C3orf49: variants seen among roughly 807,000 people sequenced by gnomAD.
C3orf49 encodes putative uncharacterized protein C3orf49.
A neutral mutation model predicts 13.3 loss-of-function variants in C3orf49; 27 were observed. The observed-to-expected ratio is 2.02, with a 90% confidence interval of 1.49 to 2.79. The LOEUF (loss-of-function observed/expected upper bound fraction) is 2.79. Among genes scored for constraint, C3orf49 ranks in the 30% most tolerant of loss-of-function variants. C3orf49 has a pLI of 0.00. For synonymous variants in C3orf49, 87 were observed against 47.6 expected, an observed-to-expected ratio of 1.83 and a Z score of -3.40; for missense variants, 242 against 134.2, an observed-to-expected ratio of 1.80 and a Z score of -3.97.
chr3:63,838,350 T>C (rs1559602817), intron 5 of C3orf49: 1 of 1,404,794 alleles, frequency 7.1e-7, no homozygotes, highest in Admixed American at 2.2e-5. Context: ...AAATTACAGA[T>C]AGAAACATTA....
the C3orf49 span, chr3:63,786,202 G>A: frequency 6.6e-6 from 1 of 151,876 alleles, no homozygotes; most frequent in Admixed American, 6.6e-5. Context: ...CCACTCCCCT[G>A]ACCCCCCTCC....
the C3orf49 span, among the ~76,000 whole-genome samples, chr3:63,807,869 A>G: frequency 2.7e-5 from 4 of 150,264 alleles, no homozygotes; most frequent in Non-Finnish European, 5.9e-5. Flanking sequence ...AAAAAAAAAA[A>G]AAAAAAAAAG....
Position 63,848,410 on chromosome 3 carries a change from C to T in C3orf49, c.*77C>T, listed in dbSNP as rs1202060519. The stretch of plus-strand genomic sequence containing the variant: ...CAATTACCAATCAGAAAATCGACTC[C>T]ACCTATGAGCTGGAAGTCCTTCCCA... On this transcript the variant is annotated 3_prime_UTR_variant, in exon 7 of 7. Transcript: ENST00000295896. 6.6e-6 allele frequency: 1 copy of T among 152,102 alleles called. No individual in the cohort carries two copies. The highest frequency in any genetic ancestry group is 6.5e-5 in the Admixed American group (1 of 15,268). The allele number at this position is 152,102 out of a possible 1,614,324, so 9.4% of individuals were successfully genotyped here. A position where few individuals can be genotyped will look rare whatever the true frequency, so the allele number is the denominator to read the frequency against.
chr3:63,811,555 G>C, the C3orf49 span, among the ~76,000 whole-genome samples: 12,588 of 144,114 alleles, frequency 0.087, 1,221 homozygotes, highest in African/African-American at 0.24. Context: ...AAGGCTCTGT[G>C]TCAAAAAACA....
chr3:63,842,737 C>T (rs1393759800), intron 5 of C3orf49, among the ~76,000 whole-genome samples: 1 of 152,172 alleles, frequency 6.6e-6, no homozygotes, highest in South Asian at 2.1e-4. Flanking sequence ...AAAAAAACTA[C>T]ATTGGGTACA....
chr3:63,836,196 T>A, intron 5 of C3orf49: 1 of 1,059,372 alleles, frequency 9.4e-7, no homozygotes, highest in African/African-American at 1.6e-5. Context: ...ATCTGACCCC[T>A]CCTTTTGAAA....
chr3:63,813,858 A>G, the C3orf49 span, among the ~76,000 whole-genome samples: 5 of 152,376 alleles, frequency 3.3e-5, no homozygotes, highest in South Asian at 1.0e-3. Flanking sequence ...AAATCCTGGT[A>G]AAACTGGGGT....
At chr3:63,831,920 C>A in intron 5 of C3orf49, 76 bp downstream of exon 5, 1 of 638,358 alleles carries the variant, frequency 1.6e-6, no homozygotes, top group South Asian at 1.8e-5. Flanking sequence ...CTAGGCTGGC[C>A]GTGGTGGCTC....
chr3:63,829,780 GC>G (rs1701509657), intron 3 of C3orf49, among the ~76,000 whole-genome samples: 1 of 151,814 alleles, frequency 6.6e-6, no homozygotes, highest in African/African-American at 2.4e-5. Context: ...GGGCAACATG[GC>G]AAAACCCCAT....
chr3:63,842,747 A>T (rs1701795019), intron 5 of C3orf49, among the ~76,000 whole-genome samples: 1 of 152,132 alleles, frequency 6.6e-6, no homozygotes, highest in Admixed American at 6.5e-5. Context: ...CATTGGGTAC[A>T]CTGGGTATAA....
chr3:63,810,125 G>C, the C3orf49 span, among the ~76,000 whole-genome samples: 36 of 151,376 alleles, frequency 2.4e-4, no homozygotes, highest in Non-Finnish European at 5.9e-5. Flanking sequence ...CAACCTGGGC[G>C]ACAGAGCAAG....
chr3:63,803,694 G>A, the C3orf49 span, among the ~76,000 whole-genome samples: 6 of 152,152 alleles, frequency 3.9e-5, no homozygotes, highest in South Asian at 1.2e-3. Flanking sequence ...TCTGACCTTA[G>A]GGAATCTGGA....
chr3:63,810,349 GA>G, the C3orf49 span, among the ~76,000 whole-genome samples: 1 of 152,240 alleles, frequency 6.6e-6, no homozygotes, highest in East Asian at 1.9e-4. Context: ...CAAGTGTCAT[GA>G]AATTGGGAAC....
At chr3:63,781,578 G>C in the C3orf49 span, among the ~76,000 whole-genome samples, 1 of 152,116 alleles carries the variant, frequency 6.6e-6, no homozygotes, top group Non-Finnish European at 1.5e-5. Flanking sequence ...AAATTACCTT[G>C]GGCAGTATGT....
At chr3:63,824,751 C>T (rs1428856204) in intron 2 of C3orf49, among the ~76,000 whole-genome samples, 1 of 149,230 alleles carries the variant, frequency 6.7e-6, no homozygotes, top group Non-Finnish European at 1.5e-5. Flanking sequence ...GTGGGCGAAT[C>T]GCTTGAATCT....
the C3orf49 span, among the ~76,000 whole-genome samples, chr3:63,797,128 T>C: frequency 0.024 from 3,662 of 152,162 alleles, 75 homozygotes; most frequent in Middle Eastern, 0.1. Context: ...TCCACTCTCA[T>C]TTTGTTTGGT....
chr3:63,821,217 T>C (rs1289233000), intron 1 of C3orf49, among the ~76,000 whole-genome samples: 1 of 152,202 alleles, frequency 6.6e-6, no homozygotes, highest in Non-Finnish European at 1.5e-5. Flanking sequence ...CTCCAGTGTC[T>C]AGGCTGTCAC....
chr3:63,817,987 T>C (rs1701344257), upstream of C3orf49, among the ~76,000 whole-genome samples: 1 of 152,164 alleles, frequency 6.6e-6, no homozygotes, highest in African/African-American at 2.4e-5. Flanking sequence ...TTCAAGCACC[T>C]ATTATTTATT....
chr3:63,839,803 T>C lies in C3orf49; in HGVS notation c.850-5220T>C, dbSNP rs139991001. The C allele has an allele frequency of 2.4e-3, 3,727 of 1,575,852 alleles. 65 individuals are homozygous for C. In the African/African-American group the frequency reaches 0.033, roughly 14 times the overall value. On this transcript the variant is annotated intron_variant, in intron 5 of 6. Transcript: ENST00000295896. The stretch of plus-strand genomic sequence containing the variant: ...AGGAAAGAAGGGCAATGTTACCATC[T>C]GGCTCTTGGTAACTTTCAAGTACAA...
Sources: gnomAD v4.1 joint callset for allele counts (sites outside exome capture counted in the v4.1 genomes callset) on GRCh38, gnomAD v4.1.1 for gene constraint, MANE v1.5 for transcripts, NCBI Gene and HGNC (gene_info 2026-07-23, HGNC 2026-07-21) for gene names.